The following SPOCK1 variants were observed in gnomAD, a reference collection of about 807,000 sequenced individuals.
SPOCK1 encodes the protein testican-1.
SPOCK1 carries 23 observed loss-of-function variants against 55.3 expected under a neutral mutation model. The ratio of observed to expected loss-of-function variants is 0.42; its 90% confidence interval spans 0.30 to 0.59. SPOCK1 has a LOEUF of 0.59. Among genes scored for constraint, SPOCK1 ranks in the 20% least tolerant of loss-of-function variants. SPOCK1 has a pLI of 0.22. For synonymous variants in SPOCK1, 226 were observed against 221.0 expected (o/e 1.02, Z -0.20); for missense variants, 499 against 552.5 (o/e 0.90, Z 0.97).
intron 6 of SPOCK1, among the ~76,000 whole-genome samples, chr5:137,039,063 A>C (rs1254128703): frequency 2.0e-5 from 3 of 152,180 alleles, no homozygotes; most frequent in Non-Finnish European, 1.5e-5. Context: ...AATGTCACTT[A>C]TTATAAGCTG....
chr5:137,241,010 C>T (rs148305099), intron 3 of SPOCK1, among the ~76,000 whole-genome samples: 2 of 152,296 alleles, frequency 1.3e-5, no homozygotes, highest in African/African-American at 4.8e-5. Flanking sequence ...AACTGGATAG[C>T]ATCTAAAGAA....
chr5:137,002,373 C>T (rs955829183), intron 6 of SPOCK1, among the ~76,000 whole-genome samples: 5 of 151,542 alleles, frequency 3.3e-5, no homozygotes, highest in South Asian at 2.1e-4. Context: ...AGTGGAGTAA[C>T]GCTTATTTTT....
chr5:137,296,493 C>T (rs1053822875), intron 2 of SPOCK1, among the ~76,000 whole-genome samples: 1 of 152,074 alleles, frequency 6.6e-6, no homozygotes, highest in Non-Finnish European at 1.5e-5. Flanking sequence ...CGACTGAACG[C>T]GAACTAAAGG....
chr5:137,226,051 A>G (rs1164656129), intron 3 of SPOCK1, among the ~76,000 whole-genome samples: 2 of 152,170 alleles, frequency 1.3e-5, no homozygotes, highest in East Asian at 1.9e-4. Context: ...TCCAGACCCA[A>G]CCTAAATCCT....
intron 2 of SPOCK1, chr5:137,365,590 T>A (rs1751041675): frequency 6.6e-6 from 1 of 152,236 alleles, no homozygotes; most frequent in African/African-American, 2.4e-5. Flanking sequence ...AAAACAATTG[T>A]GAAGCAATCT....
At chr5:137,384,576 ATATG>A (rs1489627197) in intron 2 of SPOCK1, among the ~76,000 whole-genome samples, 1 of 140,226 alleles carries the variant, frequency 7.1e-6, no homozygotes, top group African/African-American at 2.8e-5. Flanking sequence ...ATATATATAT[ATATG>A]TATGTATTTT....
intron 2 of SPOCK1, among the ~76,000 whole-genome samples, chr5:137,274,727 A>G (rs942335356): frequency 2.0e-5 from 3 of 152,230 alleles, no homozygotes; most frequent in African/African-American, 7.2e-5. Flanking sequence ...AAAAATAATT[A>G]TGAAATACTT....
chr5:137,347,207 G>A (rs1270370636), intron 2 of SPOCK1, among the ~76,000 whole-genome samples: 1 of 152,146 alleles, frequency 6.6e-6, no homozygotes, highest in African/African-American at 2.4e-5. Flanking sequence ...TGCCTCAGTG[G>A]CTCCTTGTGA....
At chr5:137,426,775 C>T (rs1752620488) in intron 2 of SPOCK1, among the ~76,000 whole-genome samples, 1 of 152,152 alleles carries the variant, frequency 6.6e-6, no homozygotes, top group Non-Finnish European at 1.5e-5. Flanking sequence ...ACAAGGAATC[C>T]TTCCCAGTCT....
intron 3 of SPOCK1, among the ~76,000 whole-genome samples, chr5:137,175,649 A>G (rs1460024086): frequency 6.6e-6 from 1 of 152,190 alleles, no homozygotes; most frequent in African/African-American, 2.4e-5. Context: ...ACTTGACCTC[A>G]GTTTATCTTT....
chr5:137,044,675 G>C (rs962609065), intron 6 of SPOCK1, among the ~76,000 whole-genome samples: 4 of 151,630 alleles, frequency 2.6e-5, no homozygotes, highest in Admixed American at 1.3e-4. Context: ...TAAGTTTTAG[G>C]GTACATGTGC....
chr5:137,228,190 C>T (rs768446198), intron 3 of SPOCK1, among the ~76,000 whole-genome samples: 1 of 152,210 alleles, frequency 6.6e-6, no homozygotes, highest in Non-Finnish European at 1.5e-5. Flanking sequence ...CTTCAGCCAA[C>T]ATGAATGACC....
chr5:137,050,297 C>T (rs1258951302), intron 6 of SPOCK1, among the ~76,000 whole-genome samples: 20 of 125,914 alleles, frequency 1.6e-4, no homozygotes, highest in South Asian at 1.3e-3. Context: ...AGCGAGATTC[C>T]GTGGGCGTAG....
chr5:137,019,251 A>G (rs10057075), intron 6 of SPOCK1, among the ~76,000 whole-genome samples: 15,589 of 152,184 alleles, frequency 0.1, 1,210 homozygotes, highest in East Asian at 0.23. Flanking sequence ...TAAAATATCA[A>G]AAAGTATAAA....
At chr5:137,127,666 C>A (rs574449939) in intron 4 of SPOCK1, among the ~76,000 whole-genome samples, 48 of 152,344 alleles carry the variant, frequency 3.2e-4, no homozygotes, top group African/African-American at 1.1e-3. Flanking sequence ...TACTTGGGGC[C>A]TGTTATCCCT....
chr5:137,401,668 C>T (rs908621447), intron 2 of SPOCK1, among the ~76,000 whole-genome samples: 2 of 151,994 alleles, frequency 1.3e-5, no homozygotes, highest in African/African-American at 4.8e-5. Flanking sequence ...TCACTTGAGT[C>T]CAGGAGTTTG....
intron 10 of SPOCK1, among the ~76,000 whole-genome samples, chr5:136,979,073 C>G (rs1228216201): frequency 1.3e-5 from 2 of 152,130 alleles, no homozygotes; most frequent in Non-Finnish European, 2.9e-5. Context: ...GTTTACAACC[C>G]TAAATGAGAA....
At chr5:137,313,440 G>T (rs1403985490) in intron 2 of SPOCK1, 1 of 985,286 alleles carries the variant, frequency 1.0e-6, no homozygotes, top group Non-Finnish European at 1.2e-6. Flanking sequence ...GCTGCAAGGG[G>T]TGGTCTCAGG....
At chr5:137,153,528 C>T (rs1436039030) in intron 3 of SPOCK1, among the ~76,000 whole-genome samples, 1 of 151,942 alleles carries the variant, frequency 6.6e-6, no homozygotes, top group Non-Finnish European at 1.5e-5. Context: ...GAACTCATGA[C>T]CTAGTAGAGA....
Sources: gnomAD v4.1 joint callset for allele counts (sites outside exome capture counted in the v4.1 genomes callset) on GRCh38, gnomAD v4.1.1 for gene constraint, MANE v1.5 for transcripts, NCBI Gene and HGNC (gene_info 2026-07-23, HGNC 2026-07-21) for gene names.